Variants in EVC observed in about 807,000 individuals in gnomAD.
EVC encodes EvC ciliary complex subunit 1.
EVC carries 116 observed loss-of-function variants against 118.9 expected under a neutral mutation model. That is an observed-to-expected ratio of 0.98 (90% CI 0.84 to 1.14). The LOEUF (loss-of-function observed/expected upper bound fraction) is 1.14, where lower values mean the gene tolerates loss of function less well. Ranked by LOEUF, EVC falls within the 50% of genes most tolerant of loss-of-function variation. The pLI, the probability that EVC is intolerant of heterozygous loss-of-function variation, is 0.00. For synonymous variants in EVC, 619 were observed against 534.7 expected, an observed-to-expected ratio of 1.16 and a Z score of -2.18; for missense variants, 1,401 against 1,246.4, an observed-to-expected ratio of 1.12 and a Z score of -1.87.
chr4:5,713,591 C>T (rs1375821350), intron 1 of EVC, among the ~76,000 whole-genome samples: 5 of 149,918 alleles, frequency 3.3e-5, no homozygotes, highest in Non-Finnish European at 7.4e-5. Context: ...GCAGGAGAAT[C>T]GCTGGAACCT....
intron 11 of EVC, among the ~76,000 whole-genome samples, chr4:5,775,184 T>A (rs1018777042): frequency 6.6e-6 from 1 of 152,140 alleles, no homozygotes; most frequent in African/African-American, 2.4e-5. Flanking sequence ...GGCAGAAAAT[T>A]GGGATTCTCA....
intron 11 of EVC, among the ~76,000 whole-genome samples, 169 bp from the exon 12 acceptor site, chr4:5,783,383 T>C (rs1249355073): frequency 6.6e-6 from 1 of 152,044 alleles, no homozygotes; most frequent in East Asian, 1.9e-4. Context: ...GTGGGGGAGT[T>C]ACTTGTATGT....
chr4:5,798,526 G>A lies in EVC; in HGVS notation c.2098-60G>A, dbSNP rs1714383952. ...AGGACCAGCCCCACATCCCAGTCCT[G>A]GCCAGAGCTTCTCTGTGAGAGGAGC... is the stretch of plus-strand genomic sequence containing the variant. On this transcript the variant is annotated intron_variant, in intron 14 of 20. Transcript: ENST00000264956. The surrounding 1 kb of genome is among the most constrained non-coding windows in gnomAD (Gnocchi z 4.1). The A allele has an allele frequency of 6.6e-7, 1 of 1,521,530 alleles. No individual in the cohort carries two copies. Among genetic ancestry groups the A allele is most frequent in the Non-Finnish European group, 8.9e-7 (1 of 1,122,084 alleles). The allele number at this position is 1,521,530 out of a possible 1,614,324, so 94.3% of individuals were successfully genotyped here. A position where few individuals can be genotyped will look rare whatever the true frequency, so the allele number is the denominator to read the frequency against.
chr4:5,828,363 A>G, the EVC span: 3 of 1,442,658 alleles, frequency 2.1e-6, no homozygotes, highest in Non-Finnish European at 2.7e-6. Context: ...CATTTAACAG[A>G]TAAGGAAACG....
At chr4:5,825,326 C>G in the EVC span, 1 of 985,238 alleles carries the variant, frequency 1.0e-6, no homozygotes, top group Non-Finnish European at 1.2e-6. This position sits in a 1 kb window ranked among gnomAD's most constrained non-coding sequence, Gnocchi z 4.4. Flanking sequence ...GTGACCATGC[C>G]AGCCCACTCT....
intron 1 of EVC, among the ~76,000 whole-genome samples, chr4:5,717,359 G>A (rs1272097756): frequency 6.6e-6 from 1 of 151,926 alleles, no homozygotes; most frequent in East Asian, 1.9e-4. Context: ...TCCCTGTGTA[G>A]TGCGTTCCCT....
intron 5 of EVC, among the ~76,000 whole-genome samples, chr4:5,736,774 T>G (rs1159282673): frequency 6.6e-6 from 1 of 152,232 alleles, no homozygotes; most frequent in Non-Finnish European, 1.5e-5. Context: ...ATGTTGTGTG[T>G]GTTCTGACTG....
Position 5,798,511 on chromosome 4 carries a change from C to G in EVC, c.2098-75C>G. ...CCCTGGGCCCTGGATAGGACCAGCC[C>G]CACATCCCAGTCCTGGCCAGAGCTT... On this transcript the variant is annotated intron_variant, in intron 14 of 20. Coordinates refer to ENST00000264956, the MANE Select transcript of EVC (RefSeq NM_153717.3). The surrounding 1 kb of genome is among the most constrained non-coding windows in gnomAD (Gnocchi z 4.1). The G allele has an allele frequency of 1.4e-6, 2 of 1,461,354 alleles. No individual in the cohort carries two copies. The highest frequency in any genetic ancestry group is 1.9e-6 in the Non-Finnish European group (2 of 1,067,178). The allele number at this position is 1,461,354 out of a possible 1,614,324, so 90.5% of individuals were successfully genotyped here.
the EVC span, among the ~76,000 whole-genome samples, chr4:5,823,034 T>C: frequency 6.6e-6 from 1 of 152,208 alleles, no homozygotes; most frequent in South Asian, 2.1e-4. Context: ...ACAACTGTCT[T>C]GGTGAATTTT....
chr4:5,738,845 T>C lies in EVC; in HGVS notation c.703-2871T>C, dbSNP rs549925285. On this transcript the variant is annotated intron_variant, in intron 5 of 20. Coordinates refer to ENST00000264956, the MANE Select transcript of EVC (RefSeq NM_153717.3). This position sits in a 1 kb window ranked among gnomAD's most constrained non-coding sequence, Gnocchi z 6.5. ...CCTCCCAAAGTGCTGGGATTACGGG[T>C]GTGAGCCACCGCACCCAGCCCAACA... Among the ~76,000 whole-genome samples the C allele has an allele frequency of 1.0e-3, 152 of 152,210 alleles. 1 individual carries two copies. Among genetic ancestry groups the C allele is most frequent in the African/African-American group, 3.4e-3 (143 of 41,538 alleles).
intron 11 of EVC, among the ~76,000 whole-genome samples, chr4:5,780,405 C>T (rs979063362): frequency 1.3e-5 from 2 of 152,164 alleles, no homozygotes; most frequent in African/African-American, 4.8e-5. Context: ...CAGGACCTTC[C>T]ATCTGTAAAC....
intron 11 of EVC, among the ~76,000 whole-genome samples, chr4:5,772,053 C>G (rs762593900): frequency 6.6e-6 from 1 of 151,978 alleles, no homozygotes; most frequent in Admixed American, 6.6e-5. Context: ...ACCGCCACCA[C>G]GCCCAGCTAA....
intron 11 of EVC, among the ~76,000 whole-genome samples, chr4:5,773,537 C>T (rs1734290392): frequency 6.6e-6 from 1 of 152,138 alleles, no homozygotes; most frequent in Non-Finnish European, 1.5e-5. Flanking sequence ...GGGAAGTGCT[C>T]TCCACTCACC....
intron 1 of EVC, among the ~76,000 whole-genome samples, chr4:5,714,088 T>C (rs1323050229): frequency 6.6e-6 from 1 of 152,200 alleles, no homozygotes; most frequent in African/African-American, 2.4e-5. Flanking sequence ...ATCTGTTCTC[T>C]CCGCCTGCGC....
chr4:5,827,921 C>T, the EVC span: 2 of 559,242 alleles, frequency 3.6e-6, no homozygotes, highest in Non-Finnish European at 4.5e-6. Flanking sequence ...GAGCCTGCTC[C>T]TTCCCTTTGA....
At chr4:5,821,466 G>A in the EVC span, 1 of 416,084 alleles carries the variant, frequency 2.4e-6, no homozygotes, top group South Asian at 5.3e-5. The surrounding 1 kb of genome is among the most constrained non-coding windows in gnomAD (Gnocchi z 4.4). Context: ...AGTTAGAAGT[G>A]GAAGGGACAG....
intron 11 of EVC, among the ~76,000 whole-genome samples, chr4:5,763,989 A>G (rs1419598649): frequency 1.4e-5 from 2 of 146,100 alleles, no homozygotes; most frequent in African/African-American, 2.6e-5. Context: ...CAGTTTTCAA[A>G]GGGAATGCTT....
chr4:5,804,009 CGGCTCACTGCA>C (rs1715452086), intron 16 of EVC, among the ~76,000 whole-genome samples: 2 of 150,914 alleles, frequency 1.3e-5, no homozygotes, highest in African/African-American at 4.9e-5. Flanking sequence ...GGCATGATTT[CGGCTCACTGCA>C]ACCTCTGCTT....
chr4:5,729,105 C>T (rs1284646210), intron 2 of EVC, among the ~76,000 whole-genome samples: 1 of 152,080 alleles, frequency 6.6e-6, no homozygotes, highest in Non-Finnish European at 1.5e-5. Context: ...CCCATCCATC[C>T]ATCTATCCAT....
Sources: gnomAD v4.1 joint callset for allele counts (sites outside exome capture counted in the v4.1 genomes callset) on GRCh38, gnomAD v4.1.1 for gene constraint, Gnocchi (gnomAD v3.1) non-coding constraint, MANE v1.5 for transcripts, NCBI Gene and HGNC (gene_info 2026-07-23, HGNC 2026-07-21) for gene names.